Variants in KCND3 observed in about 807,000 individuals in gnomAD.
The protein encoded by KCND3 is potassium voltage-gated channel subfamily D member 3.
In KCND3, 9 loss-of-function variants were observed where a neutral mutation model predicts 51.1. The observed-to-expected ratio is 0.18, with a 90% CI of 0.11 to 0.31. The LOEUF (loss-of-function observed/expected upper bound fraction) is 0.31. KCND3 is among the 10% of genes least tolerant of loss of function. The probability of loss-of-function intolerance (pLI) is 1.00; values close to 1 mark genes in which losing one functional copy is unlikely to be tolerated. For missense variants in KCND3, 526 were observed against 903.8 expected, an observed-to-expected ratio of 0.58 and a Z score of 5.36; for synonymous variants, 349 against 368.0, an observed-to-expected ratio of 0.95 and a Z score of 0.59.
intron 2 of KCND3, among the ~76,000 whole-genome samples, chr1:111,858,504 T>A (rs534170154): frequency 5.1e-4 from 78 of 152,294 alleles, no homozygotes; most frequent in African/African-American, 1.8e-3. Flanking sequence ...TTAAATAGCA[T>A]GGGAATGAAG....
At chr1:111,870,556 G>C (rs1013977166) in intron 2 of KCND3, among the ~76,000 whole-genome samples, 1 of 152,162 alleles carries the variant, frequency 6.6e-6, no homozygotes, top group African/African-American at 2.4e-5. Flanking sequence ...TCCAAGGAGG[G>C]CACTGCTTGG....
At chr1:111,892,453 T>C (rs1330906682) in intron 2 of KCND3, among the ~76,000 whole-genome samples, 2 of 152,232 alleles carry the variant, frequency 1.3e-5, no homozygotes, top group Non-Finnish European at 2.9e-5. Flanking sequence ...ATAGCAACAA[T>C]TCATGTGTAA....
chr1:111,810,873 A>C (rs975700662), intron 2 of KCND3, among the ~76,000 whole-genome samples: 7 of 152,098 alleles, frequency 4.6e-5, no homozygotes, highest in Non-Finnish European at 8.8e-5. Context: ...GGTCCAACAA[A>C]TTGGGTCTTT....
intron 2 of KCND3, among the ~76,000 whole-genome samples, chr1:111,859,973 A>C (rs942483496): frequency 6.6e-6 from 1 of 152,172 alleles, no homozygotes; most frequent in African/African-American, 2.4e-5. Context: ...GCTTTTTGGG[A>C]AGGAATCTTC....
chr1:111,882,760 G>A (rs763974397), intron 2 of KCND3, among the ~76,000 whole-genome samples: 4 of 152,152 alleles, frequency 2.6e-5, no homozygotes, highest in Admixed American at 1.3e-4. Flanking sequence ...GGTGGGAGCC[G>A]CAGCTGTCAT....
chr1:111,871,047 C>T (rs1668806959), intron 2 of KCND3, among the ~76,000 whole-genome samples: 1 of 152,056 alleles, frequency 6.6e-6, no homozygotes, highest in African/African-American at 2.4e-5. Flanking sequence ...GAGAAAGCAG[C>T]AATTGAAATG....
chr1:111,817,884 G>A (rs997240863), intron 2 of KCND3, among the ~76,000 whole-genome samples: 3 of 152,212 alleles, frequency 2.0e-5, no homozygotes, highest in Non-Finnish European at 4.4e-5. Context: ...TGAAGAGCAT[G>A]CTCATAAGAA....
At chr1:111,809,346 T>A (rs988804508) in intron 2 of KCND3, among the ~76,000 whole-genome samples, 3 of 150,488 alleles carry the variant, frequency 2.0e-5, no homozygotes, top group African/African-American at 7.4e-5. Flanking sequence ...TCTCGCTCTG[T>A]CCCCCAGGCT....
chr1:111,865,746 C>G (rs887606340), intron 2 of KCND3, among the ~76,000 whole-genome samples: 2 of 152,178 alleles, frequency 1.3e-5, no homozygotes, highest in African/African-American at 4.8e-5. Context: ...ACTCTGTTGT[C>G]CAGGCTGGAG....
intron 2 of KCND3, among the ~76,000 whole-genome samples, chr1:111,818,640 T>C (rs1318956468): frequency 1.3e-5 from 2 of 152,228 alleles, no homozygotes; most frequent in Non-Finnish European, 2.9e-5. Flanking sequence ...CCAAACTTCC[T>C]GAGTGGGGGT....
intron 2 of KCND3, among the ~76,000 whole-genome samples, chr1:111,843,928 C>T (rs893787512): frequency 2.6e-5 from 4 of 152,152 alleles, no homozygotes; most frequent in African/African-American, 9.7e-5. Flanking sequence ...CTTTGGCTCA[C>T]GCTGAGAGTG....
intron 2 of KCND3, among the ~76,000 whole-genome samples, chr1:111,978,328 T>A (rs926161621): frequency 1.3e-5 from 2 of 152,032 alleles, no homozygotes; most frequent in Non-Finnish European, 2.9e-5. Context: ...AGACTGGAAA[T>A]AGGAACTCAG....
chr1:111,775,706 T>A lies in KCND3; in HGVS notation c.*371A>T. 3.0e-6 allele frequency: 1 copy of A among 331,356 alleles called. No individual in the cohort carries two copies. Among genetic ancestry groups the A allele is most frequent in the East Asian group, 6.7e-5 (1 of 14,968 alleles). 20.5% of individuals were successfully genotyped at this position (331,356 alleles called of 1,614,324 possible). A position where few individuals can be genotyped will look rare whatever the true frequency, so the allele number is the denominator to read the frequency against. The stretch of plus-strand genomic sequence containing the variant: ...CTTGGCCTCTTTGCTGCTCTTGGTC[T>A]TGTATTTTCCTCACTGGGGTCTCCA... On this transcript the variant is annotated 3_prime_UTR_variant, in exon 8 of 8. Transcript: ENST00000302127.
intron 2 of KCND3, among the ~76,000 whole-genome samples, chr1:111,916,364 T>A (rs146878943): frequency 2.6e-5 from 4 of 152,138 alleles, no homozygotes; most frequent in Non-Finnish European, 5.9e-5. Context: ...TTAGAAAATA[T>A]TTTGAACTGA....
intron 2 of KCND3, among the ~76,000 whole-genome samples, chr1:111,818,300 G>A (rs561034284): frequency 1.3e-5 from 2 of 152,350 alleles, no homozygotes; most frequent in African/African-American, 4.8e-5. Context: ...TTCCACCCCA[G>A]CAGGAGTTCT....
intron 2 of KCND3, among the ~76,000 whole-genome samples, chr1:111,795,160 T>C (rs1405500904): frequency 6.6e-6 from 1 of 152,110 alleles, no homozygotes; most frequent in African/African-American, 2.4e-5. Context: ...TGAAACCCCA[T>C]ATCACCTCTC....
At chr1:111,957,418 G>A (rs75061507) in intron 2 of KCND3, among the ~76,000 whole-genome samples, 9,764 of 152,268 alleles carry the variant, frequency 0.064, 435 homozygotes, top group Middle Eastern at 0.11. Context: ...ATATGATCCC[G>A]CTTCTGCTAC....
rs61088602 is a variant in KCND3 at position 111,940,073 on chromosome 1, G to GTTTTTTTTTTTTTTTT, written c.1106+41532_1106+41547dup. Among the ~76,000 whole-genome samples the GTTTTTTTTTTTTTTTT allele has an allele frequency of 2.3e-3, 193 of 85,454 alleles. 1 individual carries two copies. The highest frequency in any genetic ancestry group is 3.8e-3 in the African/African-American group (75 of 19,536). The allele number at this position is 85,454 out of a possible 152,430, so 56.1% of individuals were successfully genotyped here. Reference sequence around the variant, plus strand: ...TATATCCTTCGCCTACTTTTTGATGGTTTTTTTTTTTTTTTTTTTTTTTGT... The same window carrying GTTTTTTTTTTTTTTTT: ...TATATCCTTCGCCTACTTTTTGATGGTTTTTTTTTTTTTTTTTTTTTTTTTTTTTTTTTTTTTTTGT... On this transcript the variant is annotated intron_variant, in intron 2 of 7. Transcript: ENST00000302127.
At chr1:111,890,279 C>G (rs1450090094) in intron 2 of KCND3, among the ~76,000 whole-genome samples, 5 of 152,100 alleles carry the variant, frequency 3.3e-5, no homozygotes, top group Non-Finnish European at 7.4e-5. Flanking sequence ...TGAGAGGGGT[C>G]AGTTTCTGAG....
Sources: allele counts gnomAD v4.1 joint callset (sites outside exome capture counted in the v4.1 genomes callset), GRCh38; gene constraint gnomAD v4.1.1; transcripts MANE v1.5; gene names NCBI Gene and HGNC (gene_info 2026-07-23, HGNC 2026-07-21).